The following CARMIL1 variants were observed in gnomAD, a reference collection of about 807,000 sequenced individuals.
CARMIL1 encodes F-actin-uncapping protein LRRC16A.
Under a neutral mutation model 177.1 loss-of-function variants are expected in CARMIL1, and 90 were observed. The ratio of observed to expected loss-of-function variants is 0.51; its 90% CI spans 0.43 to 0.61. The LOEUF is 0.61. Ranked by LOEUF, CARMIL1 falls within the 20% of genes least tolerant of loss-of-function variation. The probability of loss-of-function intolerance (pLI) is 0.00; values close to 1 mark genes in which losing one functional copy is unlikely to be tolerated. For synonymous variants in CARMIL1, 577 were observed against 606.2 expected (o/e 0.95, Z 0.71); for missense variants, 1,380 against 1,667.0 (o/e 0.83, Z 3.00).
chr6:25,430,164 A>G (rs187029541), intron 4 of CARMIL1, among the ~76,000 whole-genome samples: 174 of 151,028 alleles, frequency 1.2e-3, no homozygotes, highest in Non-Finnish European at 1.7e-3. Flanking sequence ...TGAATTCCAA[A>G]TATTAAAATT....
rs528164166 is a variant in CARMIL1 at position 25,481,319 on chromosome 6, T to C, written c.875-938T>C. Among the ~76,000 whole-genome samples, 67 of 152,302 alleles carry C rather than the reference T, an allele frequency of 4.4e-4. 1 individual carries two copies. The highest frequency in any genetic ancestry group is 3.4e-3 in the Middle Eastern group (1 of 294). ...CCCACTGTTCTAGGGGAAAAGCCCATGTAGAGGCTTAGTCTAGCTGCATGA... is the reference window on the plus strand; with the variant it reads ...CCCACTGTTCTAGGGGAAAAGCCCACGTAGAGGCTTAGTCTAGCTGCATGA... On this transcript the variant is annotated intron_variant, in intron 11 of 36. Coordinates refer to ENST00000329474, the MANE Select transcript of CARMIL1 (RefSeq NM_017640.6).
intron 2 of CARMIL1, among the ~76,000 whole-genome samples, chr6:25,389,950 C>T (rs1446410556): frequency 6.6e-6 from 1 of 152,164 alleles, no homozygotes; most frequent in African/African-American, 2.4e-5. Context: ...ATGAACTAAT[C>T]ATCTGTTTAA....
intron 2 of CARMIL1, among the ~76,000 whole-genome samples, chr6:25,361,104 C>T (rs1468343267): frequency 6.6e-6 from 1 of 152,114 alleles, no homozygotes; most frequent in African/African-American, 2.4e-5. Flanking sequence ...TCTTCATTTT[C>T]AGATCTTTAT....
At chr6:25,432,120 G>C (rs148551223) in intron 4 of CARMIL1, among the ~76,000 whole-genome samples, 1 of 152,002 alleles carries the variant, frequency 6.6e-6, no homozygotes, top group Admixed American at 6.5e-5. Flanking sequence ...CTATACATCC[G>C]CGGTGGACGT....
intron 5 of CARMIL1, among the ~76,000 whole-genome samples, chr6:25,444,375 C>T (rs1392025456): frequency 6.6e-6 from 1 of 150,750 alleles, no homozygotes; most frequent in South Asian, 2.1e-4. Flanking sequence ...TTCACAGTGT[C>T]TTTTTTTTTT....
At chr6:25,360,634 T>A (rs1328544006) in intron 2 of CARMIL1, among the ~76,000 whole-genome samples, 1 of 152,242 alleles carries the variant, frequency 6.6e-6, no homozygotes, top group Non-Finnish European at 1.5e-5. Flanking sequence ...AGGCAAATGC[T>A]GCTCAAATTA....
intron 2 of CARMIL1, chr6:25,388,091 T>C (rs1792361341): frequency 6.6e-6 from 1 of 152,204 alleles, no homozygotes; most frequent in Admixed American, 6.5e-5. Context: ...ATGTTACTAT[T>C]GTAGCATTAC....
At chr6:25,297,947 C>A (rs879637628) in intron 2 of CARMIL1, among the ~76,000 whole-genome samples, 10 of 152,262 alleles carry the variant, frequency 6.6e-5, no homozygotes, top group Admixed American at 2.0e-4. Flanking sequence ...TTTACGCCTC[C>A]CATTTTCTGT....
intron 2 of CARMIL1, among the ~76,000 whole-genome samples, chr6:25,390,303 T>TAA: frequency 2.1e-5 from 1 of 46,590 alleles, no homozygotes; most frequent in Non-Finnish European, 4.7e-5. Flanking sequence ...CATATATATA[T>TAA]ATATATATAT....
chr6:25,463,145 A>C (rs570612068), intron 8 of CARMIL1, among the ~76,000 whole-genome samples: 35 of 152,334 alleles, frequency 2.3e-4, no homozygotes, highest in African/African-American at 8.4e-4. Flanking sequence ...ATCATAGAAC[A>C]ATTTAAAAAC....
chr6:25,382,710 C>T (rs889897521), intron 2 of CARMIL1, among the ~76,000 whole-genome samples: 7 of 152,012 alleles, frequency 4.6e-5, no homozygotes, highest in East Asian at 3.9e-4. Flanking sequence ...AGACACAGGG[C>T]GCTCATTGGT....
At chr6:25,320,933 A>G (rs1784622667) in intron 2 of CARMIL1, among the ~76,000 whole-genome samples, 1 of 152,238 alleles carries the variant, frequency 6.6e-6, no homozygotes, top group Non-Finnish European at 1.5e-5. Context: ...AATGTTTAAG[A>G]AAGTGTATGA....
Position 25,384,128 on chromosome 6 carries a change from C to T in CARMIL1, c.139-35986C>T, listed in dbSNP as rs1414756148. Among the ~76,000 whole-genome samples the T allele has an allele frequency of 6.6e-5, 10 of 152,278 alleles. No individual in the cohort carries two copies. In the East Asian group the frequency reaches 1.2e-3, roughly 18 times the overall value. ...TGCTGGGATTACAGGCGTGAGCCACCGCGCCCGGCTGGTTTTTAAGACATG... is the reference window on the plus strand; with the variant it reads ...TGCTGGGATTACAGGCGTGAGCCACTGCGCCCGGCTGGTTTTTAAGACATG... On this transcript the variant is annotated intron_variant, in intron 2 of 36. Transcript: ENST00000329474.
At chr6:25,593,884 T>G (rs1184438965) in intron 31 of CARMIL1, among the ~76,000 whole-genome samples, 1 of 152,160 alleles carries the variant, frequency 6.6e-6, no homozygotes, top group East Asian at 1.9e-4. Context: ...AGGAAGGGAT[T>G]GTAGCTTAAG....
At chr6:25,592,135 T>C (rs2151286893) in intron 31 of CARMIL1, among the ~76,000 whole-genome samples, 1 of 151,774 alleles carries the variant, frequency 6.6e-6, no homozygotes, top group East Asian at 1.9e-4. Context: ...TGTCCTGGGG[T>C]CGCATCTTTC....
intron 5 of CARMIL1, among the ~76,000 whole-genome samples, chr6:25,441,377 G>GTGTGTGTGTC (rs1554196500): frequency 6.8e-6 from 1 of 146,602 alleles, no homozygotes; most frequent in African/African-American, 2.5e-5. Context: ...GTGTGTCTAT[G>GTGTGTGTGTC]TGTGTGTGTG....
At chr6:25,428,070 A>G (rs1796428709) in intron 4 of CARMIL1, among the ~76,000 whole-genome samples, 1 of 152,178 alleles carries the variant, frequency 6.6e-6, no homozygotes. Context: ...TGCTTTTAGT[A>G]TCATATTGAA....
At chr6:25,484,798 T>C (rs941828506) in intron 12 of CARMIL1, among the ~76,000 whole-genome samples, 1 of 152,222 alleles carries the variant, frequency 6.6e-6, no homozygotes, top group African/African-American at 2.4e-5. Context: ...AAAGTTTATA[T>C]GACTTGTGTA....
chr6:25,541,208 GAA>G (rs1808856189), intron 26 of CARMIL1, among the ~76,000 whole-genome samples: 1 of 152,148 alleles, frequency 6.6e-6, no homozygotes, highest in Non-Finnish European at 1.5e-5. Flanking sequence ...GGGAAAAAAA[GAA>G]AGTGAAAATC....
Sources: allele counts gnomAD v4.1 joint callset (sites outside exome capture counted in the v4.1 genomes callset), GRCh38; gene constraint gnomAD v4.1.1; transcripts MANE v1.5; gene names NCBI Gene and HGNC (gene_info 2026-07-23, HGNC 2026-07-21).